The following FAT2 variants were observed in gnomAD, a reference collection of about 807,000 sequenced individuals.
FAT2 encodes protocadherin Fat 2.
A neutral mutation model predicts 295.3 loss-of-function variants in FAT2; 150 were observed. The observed-to-expected ratio is 0.51, with a 90% CI of 0.44 to 0.58. The LOEUF is 0.58. Ranked by LOEUF, FAT2 falls within the 20% of genes least tolerant of loss-of-function variation. FAT2 has a pLI of 0.00. For missense variants in FAT2, 4,868 were observed against 5,442.7 expected (o/e 0.89, Z 3.32); for synonymous variants, 2,026 against 2,150.3 (o/e 0.94, Z 1.60).
chr5:151,513,622 CA>C (rs11420523), intron 20 of FAT2, among the ~76,000 whole-genome samples: 2 of 13,142 alleles, frequency 1.5e-4, no homozygotes, highest in South Asian at 7.5e-3. Context: ...AGGTTAAGGA[CA>C]AAAAACTACC....
At chr5:151,528,169 A>G (rs1317587223) in intron 15 of FAT2, 36 bp from the exon 16 acceptor site, 9 of 1,608,490 alleles carry the variant, frequency 5.6e-6, no homozygotes, top group Non-Finnish European at 7.7e-6. Flanking sequence ...ATGGAGGGAC[A>G]GGAATCTTGA....
intron 14 of FAT2, among the ~76,000 whole-genome samples, chr5:151,530,330 G>A (rs1754454675): frequency 6.6e-6 from 1 of 151,594 alleles, no homozygotes; most frequent in African/African-American, 2.4e-5. Flanking sequence ...GTGAGGCACT[G>A]TGTTGATCAA....
At position 151,545,837 on chromosome 5, in the gene FAT2, C is replaced by G. The variant is rs759291530; in HGVS notation, c.5290G>C (p.Val1764Leu). 13 of 1,614,208 alleles carry G rather than the reference C, an allele frequency of 8.1e-6. No homozygotes were observed. The highest frequency in any genetic ancestry group is 1.1e-5 in the Non-Finnish European group (13 of 1,180,040). Residue 1764 changes from valine to leucine, a missense_variant, in exon 10 of 24, where the codon GTG (valine) becomes CTG (leucine). Val to Leu is a conservative substitution (Grantham distance 32). Around this residue, in one of 5 missense-constraint regions of FAT2, gnomAD observed 3,297 missense variants for 3,669.4 expected, o/e 0.90. Transcript: ENST00000261800. ...NAPMFLKSTF[V>L]GQISEAAPLY... The stretch of plus-strand genomic sequence containing the variant: ...GGAGCTGCTTCACTAATTTGGCCCA[C>G]AAAAGTTGACTTTAAGAACATAGGA...
chr5:151,585,138 T>A (rs1034485403), intron 1 of FAT2, among the ~76,000 whole-genome samples: 1 of 152,172 alleles, frequency 6.6e-6, no homozygotes, highest in Admixed American at 6.5e-5. Context: ...CAATAGTAAA[T>A]AGCCCCTAAA....
At chr5:151,587,705 T>C (rs2127664889) in intron 1 of FAT2, among the ~76,000 whole-genome samples, 1 of 152,298 alleles carries the variant, frequency 6.6e-6, no homozygotes, top group Non-Finnish European at 1.5e-5. Context: ...CTGTGAGTCT[T>C]TGGGGGCCTG....
intron 1 of FAT2, among the ~76,000 whole-genome samples, chr5:151,574,902 C>T (rs1487384937): frequency 6.6e-6 from 1 of 152,200 alleles, no homozygotes; most frequent in Non-Finnish European, 1.5e-5. Flanking sequence ...CTTGAGAATG[C>T]CACACAATCT....
intron 9 of FAT2, among the ~76,000 whole-genome samples, chr5:151,548,605 C>A (rs58886650): frequency 6.6e-6 from 1 of 152,098 alleles, no homozygotes; most frequent in African/African-American, 2.4e-5. Context: ...CTCAGCCTCC[C>A]GAGTAGCTGG....
intron 13 of FAT2, among the ~76,000 whole-genome samples, chr5:151,533,144 G>A (rs1754835814): frequency 6.6e-6 from 1 of 152,110 alleles, no homozygotes; most frequent in Non-Finnish European, 1.5e-5. Context: ...AGGAATGACA[G>A]ATGTCCCACT....
At chr5:151,548,074 G>A (rs908247276) in intron 9 of FAT2, among the ~76,000 whole-genome samples, 9 of 152,132 alleles carry the variant, frequency 5.9e-5, no homozygotes, top group African/African-American at 2.2e-4. Flanking sequence ...AGCAAGCAAT[G>A]CATTATAATC....
At chr5:151,539,165 CT>C (rs1755841071) in intron 11 of FAT2, among the ~76,000 whole-genome samples, 1 of 152,168 alleles carries the variant, frequency 6.6e-6, no homozygotes, top group Admixed American at 6.5e-5. Flanking sequence ...AAAAGCCTCC[CT>C]TCTGAGACTA....
chr5:151,534,425 G>C lies in FAT2; in HGVS notation c.9411C>G (p.Ala3137=), dbSNP rs1755008516. Residue 3137 remains alanine, a synonymous_variant, in exon 13 of 24, where the codon GCC becomes GCG. Transcript: ENST00000261800. ...CAGACTCACCTTGGTCGGGATCCCG[G>C]GCAAATACTACAGCCACAGGGGTCT... ...TVKTPVAVVF[A]RDPDQGANAQ... is the part of the protein sequence containing the mutation. 2 of 1,608,042 alleles carry C rather than the reference G, an allele frequency of 1.2e-6. No homozygotes were observed. Among genetic ancestry groups the C allele is most frequent in the Admixed American group, 1.7e-5 (1 of 59,900 alleles).
Position 151,507,512 on chromosome 5 carries a change from T to G in FAT2, c.12159A>C (p.Thr4053=), listed in dbSNP as rs147299560. 11 of 1,614,010 alleles carry G rather than the reference T, an allele frequency of 6.8e-6. No individual in the cohort carries two copies. In the African/African-American group the frequency reaches 1.5e-4, roughly 22 times the overall value. Residue 4053 remains threonine (T), a synonymous_variant, in exon 23 of 24, where the codon ACA becomes ACC. Transcript: ENST00000261800. ...DWGQQELLII[T]VAVAFIIIST... ...TTATGATAATGAACGCCACGGCCAC[T>G]GTGATGATCAGTAACTCCTGCTGCC...
chr5:151,551,675 T>G, intron 6 of FAT2, 69 bp from the exon 7 acceptor site: 1 of 1,560,968 alleles, frequency 6.4e-7, no homozygotes. Flanking sequence ...AAGATAGGCT[T>G]TGGTTGTCAG....
intron 11 of FAT2, among the ~76,000 whole-genome samples, chr5:151,538,508 G>A (rs9324697): frequency 0.61 from 93,025 of 151,878 alleles, 28,837 homozygotes; most frequent in African/African-American, 0.71. Context: ...TGCAGGTACC[G>A]TCATGGCATC....
intron 13 of FAT2, among the ~76,000 whole-genome samples, 171 bp from the exon 14 acceptor site, chr5:151,532,141 G>A (rs1754701448): frequency 6.6e-6 from 1 of 152,214 alleles, no homozygotes. Context: ...CTTGACTGGG[G>A]CAGGGAGACC....
intron 1 of FAT2, among the ~76,000 whole-genome samples, chr5:151,573,940 C>T (rs1215359152): frequency 9.2e-5 from 14 of 152,142 alleles, no homozygotes; most frequent in Non-Finnish European, 1.9e-4. Context: ...GGGTGGCCAC[C>T]TGAGGAGCAT....
rs1484376162 is a variant in FAT2, at chr5:151,548,733, G to A, written c.4789+562C>T. 8.5e-4 allele frequency among the ~76,000 whole-genome samples: 130 copies of A among 152,170 alleles called. 1 individual carries two copies. Among genetic ancestry groups the A allele is most frequent in the South Asian group, 1.0e-3 (5 of 4,822 alleles). The stretch of plus-strand genomic sequence containing the variant: ...CAACCTCAGGTGATCCGCCCGCCTC[G>A]GCCTCCCAAAGTGCTAGGATTACAG... On this transcript the variant is annotated intron_variant, in intron 9 of 23. Coordinates refer to ENST00000261800, the MANE Select transcript of FAT2 (RefSeq NM_001447.3).
At position 151,545,847 on chromosome 5, in the gene FAT2, C is replaced by T. The variant is rs775107850; in HGVS notation, c.5280G>A (p.Lys1760=). The T allele has an allele frequency of 2.4e-5, 39 of 1,614,060 alleles. No individual in the cohort carries two copies. In the Middle Eastern group the frequency reaches 4.9e-4, roughly 20 times the overall value. The change falls in exon 10 of 24, where the codon AAG becomes AAA. Residue 1760 remains lysine (K), a synonymous_variant. Transcript: ENST00000261800. The stretch of plus-strand genomic sequence containing the variant: ...CACTAATTTGGCCCACAAAAGTTGA[C>T]TTTAAGAACATAGGAGCATTGTCAT... ...DENDNAPMFL[K]STFVGQISEA... is the part of the protein sequence containing the mutation.
At position 151,533,396 on chromosome 5, in the gene FAT2, AC is replaced by A. The variant is rs1561837152; in HGVS notation, c.9427+1012del. Among the ~76,000 whole-genome samples the A allele has an allele frequency of 2.8e-3, 197 of 70,196 alleles. 1 individual carries two copies. Among genetic ancestry groups the A allele is most frequent in the African/African-American group, 0.012 (136 of 11,402 alleles). The allele number at this position is 70,196 out of a possible 152,430, so 46.1% of individuals were successfully genotyped here. On this transcript the variant is annotated intron_variant, in intron 13 of 23. Coordinates refer to ENST00000261800, the MANE Select transcript of FAT2 (RefSeq NM_001447.3). ...TCCACTTGCACTTGTTATCTCCAAC[AC>A]ACACACACACACACACACACACACA...
Sources: gnomAD v4.1 joint callset for allele counts (sites outside exome capture counted in the v4.1 genomes callset) on GRCh38, gnomAD v4.1.1 for gene constraint, gnomAD v4.1.1 regional missense constraint, MANE v1.5 for transcripts, NCBI Gene and HGNC (gene_info 2026-07-23, HGNC 2026-07-21) for gene names.